The following SPTBN1 variants were observed in gnomAD, a reference collection of about 807,000 sequenced individuals.
The protein encoded by SPTBN1 is spectrin beta, non-erythrocytic 1.
SPTBN1 carries 32 observed loss-of-function variants against 266.4 expected under a neutral mutation model. The observed-to-expected ratio is 0.12, with a 90% CI of 0.09 to 0.16. SPTBN1 has a LOEUF of 0.16. SPTBN1 is among the 10% of genes least tolerant of loss of function. The pLI is 1.00. For synonymous variants in SPTBN1, 1,336 were observed against 1,162.2 expected, an observed-to-expected ratio of 1.15 and a Z score of -3.04; for missense variants, 2,296 against 3,067.1, an observed-to-expected ratio of 0.75 and a Z score of 5.94.
At chr2:54,607,462 A>C (rs1676922019) in intron 3 of SPTBN1, among the ~76,000 whole-genome samples, 1 of 152,140 alleles carries the variant, frequency 6.6e-6, no homozygotes, top group African/African-American at 2.4e-5. Flanking sequence ...ATCTCTACTA[A>C]AAATACAAAA....
Position 54,586,987 on chromosome 2 carries a change from G to C in SPTBN1, c.149-12105G>C, listed in dbSNP as rs116879696. 2.1e-4 allele frequency among the ~76,000 whole-genome samples: 32 copies of C among 152,218 alleles called. No individual in the cohort carries two copies. In the East Asian group the frequency reaches 4.2e-3, roughly 20 times the overall value. Reference sequence around the variant, plus strand: ...TAATTATTTTGGCCTTAAGGATTCCGGAAACCTGGAGTAGATTGAAAACCA... The same window carrying C: ...TAATTATTTTGGCCTTAAGGATTCCCGAAACCTGGAGTAGATTGAAAACCA... On this transcript the variant is annotated intron_variant, in intron 2 of 35. Coordinates refer to ENST00000356805, the MANE Select transcript of SPTBN1 (RefSeq NM_003128.3).
At chr2:54,612,736 A>G (rs1356288968) in intron 4 of SPTBN1, among the ~76,000 whole-genome samples, 1 of 152,114 alleles carries the variant, frequency 6.6e-6, no homozygotes, top group Non-Finnish European at 1.5e-5. Flanking sequence ...TCACTCAACT[A>G]TGACATGTGT....
intron 2 of SPTBN1, among the ~76,000 whole-genome samples, chr2:54,569,483 T>C (rs1673908184): frequency 6.6e-6 from 1 of 152,210 alleles, no homozygotes; most frequent in Admixed American, 6.5e-5. Context: ...TTTCCAATAG[T>C]TAATATATAT....
At chr2:54,514,495 C>T (rs1670013826) in intron 1 of SPTBN1, among the ~76,000 whole-genome samples, 1 of 152,088 alleles carries the variant, frequency 6.6e-6, no homozygotes, top group East Asian at 1.9e-4. Context: ...AGAGGTTTAT[C>T]TCTGAATATT....
intron 1 of SPTBN1, among the ~76,000 whole-genome samples, chr2:54,505,920 C>G (rs986216334): frequency 2.0e-5 from 3 of 151,822 alleles, no homozygotes; most frequent in Admixed American, 6.6e-5. Flanking sequence ...GTCAGGAGAT[C>G]GAGACCATCC....
At chr2:54,559,072 C>T (rs1221555444) in intron 2 of SPTBN1, among the ~76,000 whole-genome samples, 1 of 152,180 alleles carries the variant, frequency 6.6e-6, no homozygotes, top group Non-Finnish European at 1.5e-5. Flanking sequence ...GAAGAGCTAC[C>T]ATTTGGAGTC....
chr2:54,630,016 A>G lies in SPTBN1; in HGVS notation c.2794A>G (p.Lys932Glu). Reference sequence around the variant, plus strand: ...GAAGGAAATCAAAGCCCAGCAGGACAAACTCAACACAAGGTGAGCACGTGG... The same window carrying G: ...GAAGGAAATCAAAGCCCAGCAGGACGAACTCAACACAAGGTGAGCACGTGG... ...SEKEIKAQQD[K>E]LNTRWSQFRE... The change falls in exon 15 of 36, where the codon AAA (lysine) becomes GAA (glutamate). Residue 932 changes from lysine to glutamate, a missense_variant. Lys to Glu is a moderately conservative substitution (Grantham distance 56). Around this residue, in one of 12 missense-constraint regions of SPTBN1, gnomAD observed 128 missense variants for 176.5 expected, o/e 0.73. Transcript: ENST00000356805. The G allele has an allele frequency of 6.2e-7, 1 of 1,613,950 alleles. No individual in the cohort carries two copies. Among genetic ancestry groups the G allele is most frequent in the Non-Finnish European group, 8.5e-7 (1 of 1,179,940 alleles).
intron 1 of SPTBN1, among the ~76,000 whole-genome samples, chr2:54,480,851 T>C (rs1280482302): frequency 2.6e-5 from 4 of 152,054 alleles, no homozygotes; most frequent in African/African-American, 9.7e-5. Flanking sequence ...TGCAGGGGAG[T>C]CCATTAGTTA....
intron 3 of SPTBN1, among the ~76,000 whole-genome samples, chr2:54,606,818 C>T (rs186460328): frequency 6.6e-6 from 1 of 152,338 alleles, no homozygotes; most frequent in African/African-American, 2.4e-5. Flanking sequence ...GTAATGGTGT[C>T]TGGGCCAGCT....
rs1417703669 is a variant in SPTBN1, at chr2:54,646,725, C to A, written c.4866+250C>A. Among the ~76,000 whole-genome samples, 3 of 152,200 alleles carry A rather than the reference C, an allele frequency of 2.0e-5. No individual in the cohort carries two copies. The highest frequency in any genetic ancestry group is 2.9e-5 in the Non-Finnish European group (2 of 68,042). On this transcript the variant is annotated intron_variant, in intron 23 of 35. Transcript: ENST00000356805. This position sits in a 1 kb window ranked among gnomAD's most constrained non-coding sequence, Gnocchi z 4.4. Reference sequence around the variant, plus strand: ...TTTCATCTTTGAAATATGCCAGAGTCCTTCCTGCTGTCTATTTATAGGTTC... The same window carrying A: ...TTTCATCTTTGAAATATGCCAGAGTACTTCCTGCTGTCTATTTATAGGTTC...
chr2:54,623,624 C>T (rs781241526), intron 10 of SPTBN1, 28 bp downstream of exon 10: 3 of 1,566,532 alleles, frequency 1.9e-6, no homozygotes, highest in Admixed American at 3.5e-5. Flanking sequence ...TCTGCATGGG[C>T]CCTGACCTCC....
In SPTBN1 at chr2:54,655,153, C is replaced by T; in HGVS notation, c.5906C>T (p.Thr1969Ile). The T allele has an allele frequency of 6.2e-7, 1 of 1,614,176 alleles. No individual in the cohort carries two copies. Among genetic ancestry groups the T allele is most frequent in the South Asian group, 1.1e-5 (1 of 91,082 alleles). The change falls in exon 28 of 36, where the codon ACC becomes ATC. Residue 1969 changes from threonine to isoleucine, a missense_variant. By Grantham distance (89) the Thr-to-Ile change is moderately conservative (BLOSUM62 -1). Transcript: ENST00000356805. Reference sequence around the variant, plus strand: ...GATGCACGTAATGACAGTTTCACAACCTGCATTGAACTTGGGAAATCCCTG... The same window carrying T: ...GATGCACGTAATGACAGTTTCACAATCTGCATTGAACTTGGGAAATCCCTG... ...EIDARNDSFT[T>I]CIELGKSLLA...
chr2:54,503,453 A>G (rs1669382940), intron 1 of SPTBN1, among the ~76,000 whole-genome samples: 1 of 152,166 alleles, frequency 6.6e-6, no homozygotes, highest in African/African-American at 2.4e-5. Flanking sequence ...CTCTTCAGAG[A>G]AATCTCTTTG....
rs775715311 is a variant in SPTBN1, at chr2:54,670,667, A to G, written c.*2098A>G. 63 of 398,562 alleles carry G rather than the reference A, an allele frequency of 1.6e-4. No individual in the cohort carries two copies. Among genetic ancestry groups the G allele is most frequent in the Non-Finnish European group, 2.5e-4 (56 of 226,086 alleles). The allele number at this position is 398,562 out of a possible 1,614,324, so 24.7% of individuals were successfully genotyped here. On this transcript the variant is annotated 3_prime_UTR_variant, in exon 36 of 36. Coordinates refer to ENST00000356805, the MANE Select transcript of SPTBN1 (RefSeq NM_003128.3). ...TCTTGACAAAGCTGTGCAGATGGCA[A>G]TAAGTTCATACCAGCAATCCTGGAG...
At chr2:54,548,963 T>G (rs1009154693) in intron 2 of SPTBN1, among the ~76,000 whole-genome samples, 6 of 152,172 alleles carry the variant, frequency 3.9e-5, no homozygotes, top group African/African-American at 1.4e-4. Flanking sequence ...TTTTAACTGT[T>G]CCTTAAAGAT....
rs376880914 is a variant in SPTBN1, at chr2:54,529,774, T to C, written c.148+3208T>C. 3 of 642,808 alleles carry C rather than the reference T, an allele frequency of 4.7e-6. No individual in the cohort carries two copies. In the African/African-American group the frequency reaches 5.5e-5, roughly 12 times the overall value. 39.8% of individuals were successfully genotyped at this position (642,808 alleles called of 1,614,324 possible). A position where few individuals can be genotyped will look rare whatever the true frequency, so the allele number is the denominator to read the frequency against. Reference sequence around the variant, plus strand: ...TCCACTGGCTCCTGATTATGATGCTTTGGATGTTGCCAACAAAATTGGGAT... The same window carrying C: ...TCCACTGGCTCCTGATTATGATGCTCTGGATGTTGCCAACAAAATTGGGAT... On this transcript the variant is annotated intron_variant, in intron 2 of 35. Transcript: ENST00000356805.
rs1031487237 is a variant in SPTBN1, at chr2:54,646,650, C to T, written c.4866+175C>T. 6.6e-6 allele frequency among the ~76,000 whole-genome samples: 1 copy of T among 152,236 alleles called. No individual in the cohort carries two copies. Among genetic ancestry groups the T allele is most frequent in the African/African-American group, 2.4e-5 (1 of 41,464 alleles). ...TCCAGCTGCTGGTTTCCCTTTGGTG[C>T]AGCATTTTCTTATCTGAATCCTAGT... On this transcript the variant is annotated intron_variant, in intron 23 of 35. Coordinates refer to ENST00000356805, the MANE Select transcript of SPTBN1 (RefSeq NM_003128.3). The surrounding 1 kb of genome is among the most constrained non-coding windows in gnomAD (Gnocchi z 4.4).
At chr2:54,602,390 T>G (rs998309363) in intron 3 of SPTBN1, among the ~76,000 whole-genome samples, 2 of 152,164 alleles carry the variant, frequency 1.3e-5, no homozygotes, top group Non-Finnish European at 2.9e-5. Context: ...GAGGAGCCCC[T>G]GGCATACGAT....
chr2:54,662,348 CATT>C (rs1681103456), intron 32 of SPTBN1: 2 of 981,292 alleles, frequency 2.0e-6, no homozygotes, highest in Non-Finnish European at 2.4e-6. Flanking sequence ...TTTGCATAAA[CATT>C]AATGATCTCT....
Sources: gnomAD v4.1 joint callset for allele counts (sites outside exome capture counted in the v4.1 genomes callset) on GRCh38, gnomAD v4.1.1 for gene constraint, gnomAD v4.1.1 regional missense constraint, Gnocchi (gnomAD v3.1) non-coding constraint, MANE v1.5 for transcripts, NCBI Gene and HGNC (gene_info 2026-07-23, HGNC 2026-07-21) for gene names.